CNIH3: variants seen among roughly 807,000 people sequenced by gnomAD.
CNIH3 encodes protein cornichon homolog 3.
In CNIH3, 14 loss-of-function variants were observed where a neutral mutation model predicts 24.1. The observed-to-expected ratio is 0.58, with a 90% CI of 0.38 to 0.91. The LOEUF is 0.91. Ranked by LOEUF, CNIH3 falls within the 40% of genes least tolerant of loss-of-function variation. CNIH3 has a pLI of 0.00. For missense variants in CNIH3, 178 were observed against 196.8 expected (o/e 0.90, Z 0.57); for synonymous variants, 68 against 73.8 (o/e 0.92, Z 0.40).
At chr1:224,671,219 A>G (rs1295603658) in intron 1 of CNIH3, among the ~76,000 whole-genome samples, 2 of 152,206 alleles carry the variant, frequency 1.3e-5, no homozygotes, top group Non-Finnish European at 2.9e-5. Flanking sequence ...CTGTTTCTCT[A>G]GGGAACCCTG....
At chr1:224,440,223 A>G (rs1171680456) in intron 1 of CNIH3, among the ~76,000 whole-genome samples, 1 of 151,580 alleles carries the variant, frequency 6.6e-6, no homozygotes, top group African/African-American at 2.4e-5. Context: ...ACCTGGCTGC[A>G]TTATTATTAT....
chr1:224,542,516 C>T (rs1679549112), downstream of CNIH3, among the ~76,000 whole-genome samples: 1 of 152,180 alleles, frequency 6.6e-6, no homozygotes, highest in African/African-American at 2.4e-5. Context: ...GGAAGAGAAA[C>T]TATGGCAGCC....
intron 3 of CNIH3, among the ~76,000 whole-genome samples, chr1:224,594,214 C>A (rs1407619745): frequency 6.6e-6 from 1 of 152,194 alleles, no homozygotes; most frequent in Non-Finnish European, 1.5e-5. Flanking sequence ...CAAGTGACCC[C>A]TAGAGCCCAA....
In CNIH3 at chr1:224,703,957, G is replaced by A. The variant is rs1687641056; in HGVS notation, c.198+19114G>A. On this transcript the variant is annotated intron_variant, in intron 3 of 5. Coordinates refer to ENST00000272133, the MANE Select transcript of CNIH3 (RefSeq NM_152495.2). This position sits in a 1 kb window ranked among gnomAD's most constrained non-coding sequence, Gnocchi z 4.2. ...TACGACGTATTCCAACTCAAAGGGA[G>A]CAACGGTGCACCAATCATGCGATGA... 6.6e-6 allele frequency among the ~76,000 whole-genome samples: 1 copy of A among 152,196 alleles called. No homozygotes were observed. Among genetic ancestry groups the A allele is most frequent in the Non-Finnish European group, 1.5e-5 (1 of 68,042 alleles).
intron 1 of CNIH3, among the ~76,000 whole-genome samples, chr1:224,632,432 C>T (rs975799552): frequency 2.0e-5 from 3 of 152,066 alleles, no homozygotes; most frequent in African/African-American, 7.2e-5. Context: ...ACAGTGAATC[C>T]CATATCTAGC....
intron 1 of CNIH3, among the ~76,000 whole-genome samples, chr1:224,676,033 C>T (rs79072829): frequency 0.041 from 6,310 of 152,288 alleles, 212 homozygotes; most frequent in East Asian, 0.15. Flanking sequence ...AGATAAAAGG[C>T]CTTGTGTAGA....
At chr1:224,495,548 A>T (rs915090727) in intron 1 of CNIH3, among the ~76,000 whole-genome samples, 1 of 152,218 alleles carries the variant, frequency 6.6e-6, no homozygotes, top group South Asian at 2.1e-4. Flanking sequence ...GCTGGGCATC[A>T]ATATGAATGA....
chr1:224,525,898 GAC>G (rs1212077376), intron 2 of CNIH3, among the ~76,000 whole-genome samples: 3 of 152,126 alleles, frequency 2.0e-5, no homozygotes, highest in Non-Finnish European at 2.9e-5. Context: ...GGAGGCACTG[GAC>G]AGGCCTGCCA....
intron 2 of CNIH3, among the ~76,000 whole-genome samples, chr1:224,535,902 C>T (rs979371648): frequency 6.6e-6 from 1 of 152,216 alleles, no homozygotes; most frequent in Non-Finnish European, 1.5e-5. Flanking sequence ...GGCATGGGAC[C>T]GCTGTCACCT....
chr1:224,576,697 G>A (rs1681051776), intron 4 of CNIH3, among the ~76,000 whole-genome samples: 1 of 152,010 alleles, frequency 6.6e-6, no homozygotes, highest in South Asian at 2.1e-4. Flanking sequence ...TTTTTCTGAA[G>A]GTAATATTTG....
chr1:224,724,462 C>T (rs964877185), intron 3 of CNIH3, among the ~76,000 whole-genome samples: 2 of 152,188 alleles, frequency 1.3e-5, no homozygotes, highest in African/African-American at 4.8e-5. Flanking sequence ...TGGAGATGCT[C>T]ACGTGCATGA....
At chr1:224,536,284 C>CTTT (rs373201561) in intron 2 of CNIH3, among the ~76,000 whole-genome samples, 1,751 of 86,068 alleles carry the variant, frequency 0.02, 169 homozygotes, top group African/African-American at 0.064. Flanking sequence ...TAATTGTTGT[C>CTTT]TTTTTTTTTT....
intron 1 of CNIH3, among the ~76,000 whole-genome samples, chr1:224,677,665 C>T (rs1241337797): frequency 6.6e-6 from 1 of 152,228 alleles, no homozygotes; most frequent in African/African-American, 2.4e-5. Flanking sequence ...CCTGGCTGAA[C>T]AGCCCCAGAT....
chr1:224,530,270 A>G (rs74146373), intron 2 of CNIH3, among the ~76,000 whole-genome samples: 5,545 of 152,306 alleles, frequency 0.036, 336 homozygotes, highest in African/African-American at 0.13. Flanking sequence ...TGCAGTTTCC[A>G]TGTGCCTCCA....
At chr1:224,473,817 C>A (rs1030708514) in intron 1 of CNIH3, among the ~76,000 whole-genome samples, 1 of 152,144 alleles carries the variant, frequency 6.6e-6, no homozygotes, top group African/African-American at 2.4e-5. Context: ...ATTTACAGAA[C>A]GTTTCATCCA....
intron 3 of CNIH3, among the ~76,000 whole-genome samples, chr1:224,694,222 G>A (rs1047769258): frequency 6.6e-6 from 1 of 152,224 alleles, no homozygotes; most frequent in South Asian, 2.1e-4. Flanking sequence ...GCTATGTCCT[G>A]GCTGTGTGTG....
chr1:224,697,100 G>A (rs1336669580), intron 3 of CNIH3, among the ~76,000 whole-genome samples: 1 of 152,184 alleles, frequency 6.6e-6, no homozygotes. Flanking sequence ...GCGTGAGCAG[G>A]AATTCCCACT....
chr1:224,476,625 A>G (rs779003835), intron 1 of CNIH3, among the ~76,000 whole-genome samples: 1 of 152,220 alleles, frequency 6.6e-6, no homozygotes, highest in Admixed American at 6.5e-5. Context: ...AATGAAAACT[A>G]TAAAACACTG....
At chr1:224,536,585 C>G (rs1437547160) in intron 2 of CNIH3, among the ~76,000 whole-genome samples, 7 of 152,254 alleles carry the variant, frequency 4.6e-5, no homozygotes, top group African/African-American at 1.7e-4. Context: ...GCCACTGTGC[C>G]TGGCCCATAA....
Sources: allele counts gnomAD v4.1 joint callset (sites outside exome capture counted in the v4.1 genomes callset), GRCh38; gene constraint gnomAD v4.1.1; non-coding constraint Gnocchi (gnomAD v3.1); transcripts MANE v1.5; gene names NCBI Gene and HGNC (gene_info 2026-07-23, HGNC 2026-07-21).